Variants in PDE1C observed in about 807,000 individuals in gnomAD.
PDE1C encodes phosphodiesterase 1C.
Under a neutral mutation model 93.1 loss-of-function variants are expected in PDE1C, and 62 were observed. The observed-to-expected ratio is 0.67, with a 90% CI of 0.54 to 0.82. The LOEUF is 0.82. PDE1C is among the 40% of genes least tolerant of loss of function. The probability of loss-of-function intolerance (pLI) is 0.00; values close to 1 mark genes in which losing one functional copy is unlikely to be tolerated. For missense variants in PDE1C, 742 were observed against 884.6 expected (o/e 0.84, Z 2.04); for synonymous variants, 325 against 310.1 (o/e 1.05, Z -0.50).
chr7:31,830,222 A>G (rs575475314), intron 11 of PDE1C, among the ~76,000 whole-genome samples: 1 of 152,244 alleles, frequency 6.6e-6, no homozygotes, highest in South Asian at 2.1e-4. Context: ...CAGTGCTGAT[A>G]ATGTAGAGGA....
chr7:32,205,072 C>T (rs535182545), intron 2 of PDE1C, among the ~76,000 whole-genome samples: 73 of 152,284 alleles, frequency 4.8e-4, no homozygotes, highest in African/African-American at 1.7e-3. Context: ...ACTTATTGAG[C>T]GCTTGTGGTA....
At chr7:31,897,757 C>T (rs1206913379) in intron 2 of PDE1C, among the ~76,000 whole-genome samples, 1 of 152,132 alleles carries the variant, frequency 6.6e-6, no homozygotes, top group Non-Finnish European at 1.5e-5. Flanking sequence ...ATTGTTTTTC[C>T]TGAATAAAGC....
Position 32,054,888 on chromosome 7 carries a change from CA to C in PDE1C, c.102-3309del, listed in dbSNP as rs537124808. ...CAACTCTCAGATTATTTTGAATGGG[CA>C]AGATTGGTGAGGCCTGACTGAGCCC... On this transcript the variant is annotated intron_variant, in intron 1 of 17. Transcript: ENST00000396191. 3.7e-4 allele frequency among the ~76,000 whole-genome samples: 56 copies of C among 152,282 alleles called. 1 individual carries two copies. The East Asian group carries it at 8.3e-3, about 23-fold the overall frequency.
At chr7:32,072,040 G>A (rs1796093759), upstream of PDE1C, among the ~76,000 whole-genome samples, 1 of 152,176 alleles carries the variant, frequency 6.6e-6, no homozygotes, top group African/African-American at 2.4e-5. Flanking sequence ...GATAAACTTA[G>A]AAGTGAGGAC....
At chr7:31,768,459 A>G (rs1180675846) in intron 17 of PDE1C, among the ~76,000 whole-genome samples, 1 of 152,224 alleles carries the variant, frequency 6.6e-6, no homozygotes, top group Non-Finnish European at 1.5e-5. Flanking sequence ...GGATTTTAAC[A>G]TATGAATTTG....
chr7:31,700,227 A>C, the PDE1C span, among the ~76,000 whole-genome samples: 1 of 152,224 alleles, frequency 6.6e-6, no homozygotes, highest in Non-Finnish European at 1.5e-5. Flanking sequence ...AGGAAATTAA[A>C]AGTTCTACTC....
At chr7:32,118,288 T>C (rs1249149100) in intron 3 of PDE1C, among the ~76,000 whole-genome samples, 1 of 152,138 alleles carries the variant, frequency 6.6e-6, no homozygotes, top group Non-Finnish European at 1.5e-5. Flanking sequence ...ATATTCACAA[T>C]GTGATCACCG....
chr7:32,109,392 TTTG>T (rs1798522617), intron 3 of PDE1C, among the ~76,000 whole-genome samples: 3 of 152,136 alleles, frequency 2.0e-5, no homozygotes, highest in Non-Finnish European at 2.9e-5. Flanking sequence ...TGATTCCAAC[TTTG>T]TTTTTTTAAA....
At chr7:32,293,760 T>C (rs899688018) in intron 1 of PDE1C, among the ~76,000 whole-genome samples, 2 of 152,134 alleles carry the variant, frequency 1.3e-5, no homozygotes, top group African/African-American at 4.8e-5. Context: ...AGTAGGTCCA[T>C]GAGCACTGGG....
intron 1 of PDE1C, among the ~76,000 whole-genome samples, chr7:32,368,571 A>G (rs1383511365): frequency 6.6e-6 from 1 of 152,212 alleles, no homozygotes; most frequent in Non-Finnish European, 1.5e-5. Context: ...TAAAATGACC[A>G]TAGTACTCAA....
intron 2 of PDE1C, among the ~76,000 whole-genome samples, chr7:31,986,882 T>G (rs1449500088): frequency 2.0e-5 from 3 of 152,056 alleles, no homozygotes; most frequent in Non-Finnish European, 4.4e-5. Flanking sequence ...GGGAAGGTTT[T>G]TAGCTGAAAA....
At chr7:31,623,509 G>T in the PDE1C span, among the ~76,000 whole-genome samples, 5 of 151,680 alleles carry the variant, frequency 3.3e-5, no homozygotes, top group African/African-American at 1.2e-4. Flanking sequence ...AAAATGACAC[G>T]ATTATCTCAA....
chr7:31,646,106 C>T, the PDE1C span, among the ~76,000 whole-genome samples: 2 of 152,092 alleles, frequency 1.3e-5, no homozygotes, highest in African/African-American at 4.8e-5. Flanking sequence ...TTCTAATTTA[C>T]GTTTAAGACA....
At chr7:31,664,558 G>T in the PDE1C span, among the ~76,000 whole-genome samples, 20 of 152,202 alleles carry the variant, frequency 1.3e-4, no homozygotes, top group Non-Finnish European at 1.9e-4. Context: ...CCAACAACCA[G>T]ATGCAACTGT....
upstream of PDE1C, among the ~76,000 whole-genome samples, chr7:32,302,859 C>T (rs1214971149): frequency 3.9e-5 from 6 of 152,228 alleles, no homozygotes; most frequent in African/African-American, 9.6e-5. Flanking sequence ...ATTCTCCCAA[C>T]AGCCAATAGT....
intron 1 of PDE1C, among the ~76,000 whole-genome samples, chr7:32,269,305 C>T (rs896223804): frequency 6.6e-6 from 1 of 152,126 alleles, no homozygotes; most frequent in Non-Finnish European, 1.5e-5. Flanking sequence ...GACCAGTATC[C>T]ACCGACCACA....
intron 1 of PDE1C, among the ~76,000 whole-genome samples, chr7:32,054,957 C>A (rs1473752971): frequency 6.6e-6 from 1 of 152,138 alleles, no homozygotes; most frequent in East Asian, 1.9e-4. Context: ...CTTCCAAAGA[C>A]CTTCTAGGGC....
chr7:31,824,049 C>A (rs375519848), intron 13 of PDE1C, among the ~76,000 whole-genome samples: 3 of 152,022 alleles, frequency 2.0e-5, no homozygotes, highest in Non-Finnish European at 4.4e-5. Flanking sequence ...CTGGAGCATC[C>A]CTGGGGTCCC....
chr7:31,804,406 G>C (rs767033336), intron 16 of PDE1C, among the ~76,000 whole-genome samples: 12 of 151,796 alleles, frequency 7.9e-5, no homozygotes, highest in Non-Finnish European at 1.3e-4. Context: ...GGATGGTTCT[G>C]TTCTGGCCTC....
Sources: gnomAD v4.1 joint callset for allele counts (sites outside exome capture counted in the v4.1 genomes callset) on GRCh38, gnomAD v4.1.1 for gene constraint, MANE v1.5 for transcripts, NCBI Gene and HGNC (gene_info 2026-07-23, HGNC 2026-07-21) for gene names.